Variants in EZR observed in about 807,000 individuals in gnomAD.
EZR encodes the protein ezrin, also known as cytovillin 2.
Under a neutral mutation model 74.8 loss-of-function variants are expected in EZR, and 40 were observed. The observed-to-expected ratio is 0.53, with a 90% CI of 0.42 to 0.70. The LOEUF (loss-of-function observed/expected upper bound fraction) is 0.70. EZR is among the 30% of genes least tolerant of loss of function. EZR has a pLI of 0.00. For synonymous variants in EZR, 341 were observed against 283.3 expected (o/e 1.20, Z -2.05); for missense variants, 678 against 755.8 (o/e 0.90, Z 1.21).
At chr6:158,784,210 A>G (rs893089919) in intron 6 of EZR, among the ~76,000 whole-genome samples, 7 of 152,198 alleles carry the variant, frequency 4.6e-5, no homozygotes, top group African/African-American at 1.7e-4. Context: ...TCTTACATTA[A>G]CAGCCCCACG....
chr6:158,785,733 C>CA (rs1791562923), intron 4 of EZR, 150 bp from the exon 5 acceptor site: 10 of 1,036,072 alleles, frequency 9.7e-6, no homozygotes, highest in East Asian at 5.2e-5. Context: ...GCACTCCAGA[C>CA]AAAAAAAGGT....
In EZR at chr6:158,786,896, T is replaced by A. The variant is rs971663198; in HGVS notation, c.192+212A>T. On this transcript the variant is annotated intron_variant, in intron 4 of 13. Transcript: ENST00000367075. ...AGCTATGCAATTAACCATCATATGC[T>A]CCAATGAGTGAGCACTATGGAGAAA... Among the ~76,000 whole-genome samples, 9 of 152,328 alleles carry A rather than the reference T, an allele frequency of 5.9e-5. No homozygotes were observed. In the South Asian group the frequency reaches 1.9e-3, roughly 32 times the overall value.
chr6:158,783,246 C>T (rs7745928), intron 7 of EZR, among the ~76,000 whole-genome samples: 3 of 75,670 alleles, frequency 4.0e-5, no homozygotes, highest in East Asian at 2.7e-4. Context: ...TCAGAGGCAG[C>T]GGGGAGGAGA....
intron 7 of EZR, among the ~76,000 whole-genome samples, chr6:158,782,837 G>A (rs1791469270): frequency 6.6e-6 from 1 of 152,190 alleles, no homozygotes; most frequent in South Asian, 2.1e-4. Flanking sequence ...TGATGTCGCA[G>A]ACTCACCATG....
At position 158,766,456 on chromosome 6, in the gene EZR, C is replaced by T. The variant is rs968270784; in HGVS notation, c.*458G>A. The T allele has an allele frequency of 6.4e-6, 1 of 156,466 alleles. No individual in the cohort carries two copies. The highest frequency in any genetic ancestry group is 1.4e-5 in the Non-Finnish European group (1 of 70,870). The allele number at this position is 156,466 out of a possible 1,614,324, so 9.7% of individuals were successfully genotyped here. ...CTCAATTTCCAAAATAATTTTCACC[C>T]CTCTAAGCATGTAAATATACAAAGA... On this transcript the variant is annotated 3_prime_UTR_variant, in exon 14 of 14. Coordinates refer to ENST00000367075, the MANE Select transcript of EZR (RefSeq NM_001111077.2).
intron 2 of EZR, among the ~76,000 whole-genome samples, chr6:158,817,143 CA>C (rs1007017239): frequency 5.3e-5 from 8 of 150,646 alleles, no homozygotes; most frequent in Non-Finnish European, 1.0e-4. Flanking sequence ...TTTGAAAAAC[CA>C]AAAAAAAATT....
At chr6:158,796,433 G>A (rs1039437891) in intron 2 of EZR, among the ~76,000 whole-genome samples, 1 of 152,236 alleles carries the variant, frequency 6.6e-6, no homozygotes, top group African/African-American at 2.4e-5. Flanking sequence ...GGCAGGGGTG[G>A]CCCCAGCCTC....
chr6:158,789,236 CA>C, intron 3 of EZR, 51 bp downstream of exon 3: 1 of 1,420,294 alleles, frequency 7.0e-7, no homozygotes, highest in South Asian at 1.2e-5. Context: ...TGAAATGTTG[CA>C]AAACAGTTTT....
intron 7 of EZR, among the ~76,000 whole-genome samples, chr6:158,779,650 G>A (rs535538180): frequency 1.2e-4 from 19 of 152,168 alleles, no homozygotes; most frequent in Admixed American, 3.3e-4. Flanking sequence ...TGCAGCCTCC[G>A]CCTCCCGGGC....
At chr6:158,782,543 G>A (rs890238785) in intron 7 of EZR, among the ~76,000 whole-genome samples, 4 of 152,198 alleles carry the variant, frequency 2.6e-5, no homozygotes, top group African/African-American at 9.7e-5. Flanking sequence ...TGCTCTTTAC[G>A]TGGAAAGCAG....
intron 10 of EZR, among the ~76,000 whole-genome samples, 165 bp downstream of exon 10, chr6:158,770,599 A>G (rs1791071972): frequency 6.6e-6 from 1 of 152,208 alleles, no homozygotes; most frequent in Non-Finnish European, 1.5e-5. Flanking sequence ...ATAAGTACAG[A>G]ACTGTTTTCC....
At chr6:158,782,795 T>C (rs183355825) in intron 7 of EZR, among the ~76,000 whole-genome samples, 8 of 152,350 alleles carry the variant, frequency 5.3e-5, no homozygotes, top group African/African-American at 1.9e-4. Context: ...AGGTAGCTTC[T>C]GATCAGATCA....
At chr6:158,780,159 G>A (rs1254753338) in intron 7 of EZR, among the ~76,000 whole-genome samples, 5 of 149,700 alleles carry the variant, frequency 3.3e-5, no homozygotes, top group African/African-American at 1.2e-4. Context: ...CTCCACCCTG[G>A]GTGACACAGT....
At chr6:158,769,454 T>C (rs2128564305) in intron 11 of EZR, 36 bp from the exon 12 acceptor site, 2 of 1,588,476 alleles carry the variant, frequency 1.3e-6, no homozygotes, top group Non-Finnish European at 1.7e-6. Flanking sequence ...TCAGTTCTGA[T>C]ATCCTTTCAA....
intron 12 of EZR, among the ~76,000 whole-genome samples, chr6:158,767,916 G>A (rs1004106845): frequency 4.0e-5 from 6 of 151,798 alleles, no homozygotes; most frequent in South Asian, 2.1e-4. Context: ...ACCCAGTCCC[G>A]CCCGCCTCCA....
At chr6:158,785,065 G>T (rs755574833) in intron 5 of EZR, among the ~76,000 whole-genome samples, 2 of 152,220 alleles carry the variant, frequency 1.3e-5, no homozygotes, top group African/African-American at 4.8e-5. Flanking sequence ...GAGCAGTCAG[G>T]TCGAGAAGTT....
At chr6:158,774,342 ACCC>A (rs1403110611) in intron 8 of EZR, among the ~76,000 whole-genome samples, 1 of 151,014 alleles carries the variant, frequency 6.6e-6, no homozygotes, top group African/African-American at 2.4e-5. Context: ...AAGGAATCTC[ACCC>A]CCATCTTCTG....
chr6:158,769,564 A>C (rs41267745), intron 11 of EZR, 146 bp from the exon 12 acceptor site: 5 of 1,037,252 alleles, frequency 4.8e-6, no homozygotes, highest in Non-Finnish European at 7.2e-6. Flanking sequence ...AGCAGGGTCC[A>C]TTGTGCACCC....
intron 2 of EZR, among the ~76,000 whole-genome samples, chr6:158,803,371 T>G (rs1199036497): frequency 6.6e-6 from 1 of 151,196 alleles, no homozygotes; most frequent in African/African-American, 2.4e-5. Flanking sequence ...TTACAAAAAC[T>G]GAGACCCTCA....
Sources: allele counts gnomAD v4.1 joint callset (sites outside exome capture counted in the v4.1 genomes callset), GRCh38; gene constraint gnomAD v4.1.1; transcripts MANE v1.5; gene names NCBI Gene and HGNC (gene_info 2026-07-23, HGNC 2026-07-21).